The following GRID2 variants were observed in gnomAD, a reference collection of about 807,000 sequenced individuals.
GRID2 encodes glutamate receptor ionotropic, delta-2.
In GRID2, 33 loss-of-function variants were observed where a neutral mutation model predicts 114.8. The observed-to-expected ratio is 0.29, with a 90% CI of 0.22 to 0.38. GRID2 has a LOEUF of 0.38. Among genes scored for constraint, GRID2 ranks in the 10% least tolerant of loss-of-function variants. The pLI, the probability that GRID2 is intolerant of heterozygous loss-of-function variation, is 1.00. For synonymous variants in GRID2, 505 were observed against 449.9 expected, an observed-to-expected ratio of 1.12 and a Z score of -1.55; for missense variants, 1,184 against 1,257.7, an observed-to-expected ratio of 0.94 and a Z score of 0.89.
At chr4:93,735,770 C>A (rs1384050326) in intron 14 of GRID2, among the ~76,000 whole-genome samples, 1 of 152,032 alleles carries the variant, frequency 6.6e-6, no homozygotes, top group Non-Finnish European at 1.5e-5. Context: ...GCCTACATGA[C>A]CACCTTAGTG....
At chr4:92,780,852 A>G (rs887140868) in intron 2 of GRID2, among the ~76,000 whole-genome samples, 3 of 151,792 alleles carry the variant, frequency 2.0e-5, no homozygotes, top group Admixed American at 1.3e-4. Flanking sequence ...GTGTCCACCC[A>G]TCAAACTATT....
chr4:93,557,673 C>A (rs561800263), intron 13 of GRID2, among the ~76,000 whole-genome samples: 1 of 152,096 alleles, frequency 6.6e-6, no homozygotes, highest in Non-Finnish European at 1.5e-5. Flanking sequence ...GTATTAGACA[C>A]ATCAACAGGA....
intron 1 of GRID2, among the ~76,000 whole-genome samples, chr4:92,555,247 C>A (rs1376117): frequency 6.6e-6 from 1 of 151,808 alleles, no homozygotes; most frequent in Non-Finnish European, 1.5e-5. Context: ...GAGAGTTATC[C>A]GCAGTTAGCA....
intron 1 of GRID2, among the ~76,000 whole-genome samples, chr4:92,538,904 T>TACA: frequency 6.6e-6 from 1 of 152,012 alleles, no homozygotes; most frequent in Admixed American, 6.6e-5. Flanking sequence ...TATCCAGGCA[T>TACA]GGTGGTGGGC....
At chr4:93,345,890 T>C (rs1169701503) in intron 8 of GRID2, among the ~76,000 whole-genome samples, 2 of 152,286 alleles carry the variant, frequency 1.3e-5, no homozygotes, top group Admixed American at 1.3e-4. Context: ...TGCACATTTA[T>C]TGAAGAGATT....
At chr4:92,652,514 CA>C (rs997309760) in intron 2 of GRID2, among the ~76,000 whole-genome samples, 51 of 141,982 alleles carry the variant, frequency 3.6e-4, no homozygotes, top group East Asian at 1.8e-3. Context: ...CCTGTCTCTA[CA>C]AAAAAAAAAA....
At chr4:92,926,385 G>T (rs1418787663) in intron 2 of GRID2, among the ~76,000 whole-genome samples, 1 of 151,952 alleles carries the variant, frequency 6.6e-6, no homozygotes, top group African/African-American at 2.4e-5. Context: ...GTGTGAATCA[G>T]TATGTACAAT....
At chr4:92,440,083 C>T (rs181205012) in intron 1 of GRID2, among the ~76,000 whole-genome samples, 18 of 146,096 alleles carry the variant, frequency 1.2e-4, no homozygotes, top group African/African-American at 2.9e-4. Flanking sequence ...TGTAGCATTC[C>T]GAGGACAGGC....
chr4:92,892,990 A>G (rs185541347), intron 2 of GRID2, among the ~76,000 whole-genome samples: 6 of 152,368 alleles, frequency 3.9e-5, no homozygotes, highest in Admixed American at 2.0e-4. Flanking sequence ...AAAGAAATGC[A>G]TTCTTTTTAT....
intron 2 of GRID2, among the ~76,000 whole-genome samples, chr4:92,992,006 T>C (rs1754935142): frequency 1.3e-5 from 2 of 152,202 alleles, no homozygotes; most frequent in Non-Finnish European, 2.9e-5. Context: ...TAAATTGCAC[T>C]GTCTCGTAGC....
chr4:92,909,039 G>A (rs921237861), intron 2 of GRID2, among the ~76,000 whole-genome samples: 4 of 152,060 alleles, frequency 2.6e-5, no homozygotes, highest in Non-Finnish European at 4.4e-5. Context: ...TGATTATTCT[G>A]ATTTTAATAT....
At chr4:92,721,066 T>C (rs1173535273) in intron 2 of GRID2, among the ~76,000 whole-genome samples, 1 of 152,040 alleles carries the variant, frequency 6.6e-6, no homozygotes, top group Non-Finnish European at 1.5e-5. Flanking sequence ...AAAGGACAAA[T>C]ATTGTATGAT....
intron 2 of GRID2, among the ~76,000 whole-genome samples, chr4:92,765,970 G>A (rs537378025): frequency 1.1e-4 from 16 of 151,538 alleles, no homozygotes; most frequent in Middle Eastern, 3.4e-3. Flanking sequence ...CTTCTGTAGA[G>A]ACTGACCTAG....
intron 14 of GRID2, among the ~76,000 whole-genome samples, chr4:93,699,047 C>A (rs1272423687): frequency 6.6e-6 from 1 of 152,048 alleles, no homozygotes; most frequent in Non-Finnish European, 1.5e-5. Context: ...CATCCTATAA[C>A]GTCCTATAAT....
intron 7 of GRID2, among the ~76,000 whole-genome samples, chr4:93,236,047 T>C (rs936788101): frequency 1.3e-5 from 2 of 152,116 alleles, no homozygotes; most frequent in African/African-American, 4.8e-5. Context: ...AGATGTGTGA[T>C]TATGAACAAG....
chr4:93,469,537 T>C (rs1376961285), intron 11 of GRID2, among the ~76,000 whole-genome samples: 1 of 152,060 alleles, frequency 6.6e-6, no homozygotes, highest in Non-Finnish European at 1.5e-5. Context: ...CAGTGCATTC[T>C]TTTGCTTCAC....
chr4:93,498,859 C>A (rs1208740277), intron 12 of GRID2, among the ~76,000 whole-genome samples: 1 of 151,808 alleles, frequency 6.6e-6, no homozygotes. Context: ...TGTTCCTGAT[C>A]TTGCTGGAAA....
intron 8 of GRID2, among the ~76,000 whole-genome samples, chr4:93,331,536 A>G (rs1444674114): frequency 6.6e-6 from 1 of 152,002 alleles, no homozygotes; most frequent in Admixed American, 6.6e-5. Context: ...TGTTATGTGT[A>G]TTATCTGGCA....
intron 1 of GRID2, among the ~76,000 whole-genome samples, chr4:93,785,509 G>C (rs749937427): frequency 3.9e-5 from 6 of 152,174 alleles, no homozygotes; most frequent in African/African-American, 1.2e-4. Flanking sequence ...GGCACGATTT[G>C]TTCCAGGGAC....
Sources: allele counts gnomAD v4.1 joint callset (sites outside exome capture counted in the v4.1 genomes callset), GRCh38; gene constraint gnomAD v4.1.1; transcripts MANE v1.5; gene names NCBI Gene and HGNC (gene_info 2026-07-23, HGNC 2026-07-21).